SPATA16: variants seen among roughly 807,000 people sequenced by gnomAD.
The protein encoded by SPATA16 is spermatogenesis-associated protein 16.
A neutral mutation model predicts 63.3 loss-of-function variants in SPATA16; 36 were observed. The ratio of observed to expected loss-of-function variants is 0.57; its 90% CI spans 0.44 to 0.75. SPATA16 has a LOEUF of 0.75. Ranked by LOEUF, SPATA16 falls within the 30% of genes least tolerant of loss-of-function variation. The pLI, the probability that SPATA16 is intolerant of heterozygous loss-of-function variation, is 0.00. For synonymous variants in SPATA16, 203 were observed against 216.7 expected, an observed-to-expected ratio of 0.94 and a Z score of 0.56; for missense variants, 646 against 679.3, an observed-to-expected ratio of 0.95 and a Z score of 0.54.
intron 10 of SPATA16, among the ~76,000 whole-genome samples, chr3:172,900,623 G>A (rs974491827): frequency 6.6e-6 from 1 of 150,992 alleles, no homozygotes; most frequent in Non-Finnish European, 1.5e-5. Context: ...GTTAAGAAGA[G>A]GTAATGTTTT....
intron 6 of SPATA16, among the ~76,000 whole-genome samples, chr3:172,929,209 T>C (rs1263200763): frequency 1.3e-5 from 2 of 152,218 alleles, no homozygotes; most frequent in Non-Finnish European, 2.9e-5. Flanking sequence ...ATGAAATTTA[T>C]ATGACTATGA....
At chr3:173,026,726 T>C (rs1042417384) in intron 3 of SPATA16, among the ~76,000 whole-genome samples, 8 of 151,952 alleles carry the variant, frequency 5.3e-5, no homozygotes, top group African/African-American at 1.9e-4. Context: ...AAAAATCAAT[T>C]AACCATATCT....
chr3:173,021,931 C>T (rs535348575), intron 3 of SPATA16, among the ~76,000 whole-genome samples: 6 of 151,960 alleles, frequency 3.9e-5, no homozygotes, highest in South Asian at 2.1e-4. Context: ...TTTGCTTTGC[C>T]GAGCTATTCT....
At chr3:172,991,830 A>G (rs528849635) in intron 4 of SPATA16, among the ~76,000 whole-genome samples, 5 of 152,342 alleles carry the variant, frequency 3.3e-5, no homozygotes, top group East Asian at 1.9e-4. Flanking sequence ...TATGGTGAAC[A>G]GCATAGGCAA....
rs1406875931 is a variant in SPATA16 at position 173,117,651 on chromosome 3, T to C, written c.81A>G (p.Thr27=). The C allele has an allele frequency of 1.7e-5, 27 of 1,614,126 alleles. No homozygotes were observed. The highest frequency in any genetic ancestry group is 2.2e-5 in the Non-Finnish European group (26 of 1,179,998). ...GCGCTAAGGTGGACATTTTCTTGCT[T>C]GTGTTTATCTTTGGAACAAGCTGAT... ...YHDQLVPKIN[T]SKKMSTLAHP... is the part of the protein sequence containing the mutation. Residue 27 remains threonine, a synonymous_variant, in exon 2 of 11, where the codon ACA becomes ACG. Coordinates refer to ENST00000351008, the MANE Select transcript of SPATA16 (RefSeq NM_031955.6).
intron 4 of SPATA16, among the ~76,000 whole-genome samples, chr3:172,987,720 TTC>T (rs1734488373): frequency 6.6e-6 from 1 of 152,178 alleles, no homozygotes; most frequent in African/African-American, 2.4e-5. Context: ...CAGCAGCAGT[TTC>T]TGGAGCCAAT....
intron 2 of SPATA16, among the ~76,000 whole-genome samples, chr3:173,084,477 G>T (rs1736999404): frequency 1.3e-5 from 2 of 151,808 alleles, no homozygotes; most frequent in Non-Finnish European, 2.9e-5. Context: ...TTGTTTGTTT[G>T]CCCTGATGAT....
intron 3 of SPATA16, 123 bp downstream of exon 3, chr3:173,048,826 A>G: frequency 7.9e-7 from 1 of 1,260,212 alleles, no homozygotes; most frequent in South Asian, 1.3e-5. Flanking sequence ...TAAAACAAGC[A>G]GTAAATAAAT....
intron 2 of SPATA16, among the ~76,000 whole-genome samples, chr3:173,055,585 A>G (rs2108297439): frequency 6.6e-6 from 1 of 152,344 alleles, no homozygotes; most frequent in East Asian, 1.9e-4. Flanking sequence ...GATTATTGAT[A>G]ATGAGGAGCT....
chr3:172,908,218 A>G (rs1732285843), intron 10 of SPATA16, among the ~76,000 whole-genome samples: 1 of 152,218 alleles, frequency 6.6e-6, no homozygotes, highest in Admixed American at 6.5e-5. Context: ...ATGTTTCCTC[A>G]GGTGTTTTAG....
intron 2 of SPATA16, among the ~76,000 whole-genome samples, chr3:173,073,012 C>T (rs562920490): frequency 6.6e-6 from 1 of 152,294 alleles, no homozygotes; most frequent in East Asian, 1.9e-4. Context: ...GTAAAGGTGA[C>T]TCTTGCTATG....
chr3:173,063,633 T>A (rs893069449), intron 2 of SPATA16, among the ~76,000 whole-genome samples: 1 of 152,206 alleles, frequency 6.6e-6, no homozygotes, highest in Non-Finnish European at 1.5e-5. Context: ...CATTGGATAA[T>A]AACTGAGCTT....
chr3:173,088,207 C>A (rs1737132028), intron 2 of SPATA16, among the ~76,000 whole-genome samples: 1 of 151,288 alleles, frequency 6.6e-6, no homozygotes. Flanking sequence ...GCCTCAGCCT[C>A]CCAAGTAGCT....
chr3:173,117,752 G>T lies in SPATA16; in HGVS notation c.-18-3C>A, dbSNP rs112281214. 1 of 1,614,000 alleles carries T rather than the reference G, an allele frequency of 6.2e-7. No individual in the cohort carries two copies. Among genetic ancestry groups the T allele is most frequent in the Non-Finnish European group, 8.5e-7 (1 of 1,179,956 alleles). On this transcript the variant is annotated splice_polypyrimidine_tract_variant and splice_region_variant and intron_variant, in intron 1 of 10. Coordinates refer to ENST00000351008, the MANE Select transcript of SPATA16 (RefSeq NM_031955.6). Reference sequence around the variant, plus strand: ...TCCATCGATCCTGCCCAAAACTCCTGCAGGGGGGAGAAAAAGGAAAGTAAT... The same window carrying T: ...TCCATCGATCCTGCCCAAAACTCCTTCAGGGGGGAGAAAAAGGAAAGTAAT...
Position 173,019,490 on chromosome 3 carries a change from C to T in SPATA16, c.844G>A (p.Ala282Thr), listed in dbSNP as rs1222577906. The change falls in exon 4 of 11, where the codon GCC (alanine) becomes ACC (threonine). Residue 282 changes from alanine (A) to threonine (T), a missense_variant. By Grantham distance (58) the Ala-to-Thr change is moderately conservative (BLOSUM62 0). Coordinates refer to ENST00000351008, the MANE Select transcript of SPATA16 (RefSeq NM_031955.6). The stretch of plus-strand genomic sequence containing the variant: ...CAAAAGTTAAAACAAACATACCGGG[C>T]AGCCTCTGAATACCTCTCCAGACAT... ...FRCLERYSEA[A>T]RSAMIADYMF... The T allele has an allele frequency of 1.2e-6, 2 of 1,613,302 alleles. No individual in the cohort carries two copies. The highest frequency in any genetic ancestry group is 1.7e-6 in the Non-Finnish European group (2 of 1,179,402).
chr3:172,892,523 G>T (rs1731912467), intron 10 of SPATA16, among the ~76,000 whole-genome samples: 1 of 152,148 alleles, frequency 6.6e-6, no homozygotes, highest in Admixed American at 6.5e-5. Flanking sequence ...TAAATGACAC[G>T]ATATGCAGCA....
intron 10 of SPATA16, 93 bp from the exon 11 acceptor site, chr3:172,889,785 AC>A: frequency 6.5e-7 from 1 of 1,528,122 alleles, no homozygotes; most frequent in Non-Finnish European, 8.9e-7. Context: ...AATAAATGGC[AC>A]ATACAAATCC....
At chr3:173,075,023 GA>G (rs1175882341) in intron 2 of SPATA16, among the ~76,000 whole-genome samples, 1 of 134,882 alleles carries the variant, frequency 7.4e-6, no homozygotes, top group African/African-American at 2.7e-5. Flanking sequence ...GGAAAGAAAA[GA>G]AAAAAAGAAA....
At chr3:172,989,130 A>C (rs894099713) in intron 4 of SPATA16, among the ~76,000 whole-genome samples, 6 of 152,082 alleles carry the variant, frequency 3.9e-5, no homozygotes, top group African/African-American at 1.4e-4. Context: ...AAAATCTTCC[A>C]CTGTGAAACC....
Sources: gnomAD v4.1 joint callset for allele counts (sites outside exome capture counted in the v4.1 genomes callset) on GRCh38, gnomAD v4.1.1 for gene constraint, MANE v1.5 for transcripts, NCBI Gene and HGNC (gene_info 2026-07-23, HGNC 2026-07-21) for gene names.